Variants in WDFY3 observed in about 807,000 individuals in gnomAD.
WDFY3 encodes WD repeat and FYVE domain containing 3.
In WDFY3, 66 loss-of-function variants were observed where a neutral mutation model predicts 409.6. The ratio of observed to expected loss-of-function variants is 0.16; its 90% CI spans 0.13 to 0.20. The LOEUF (loss-of-function observed/expected upper bound fraction) is 0.20, where lower values mean the gene tolerates loss of function less well. WDFY3 is among the 10% of genes least tolerant of loss of function. WDFY3 has a pLI of 1.00. For missense variants in WDFY3, 3,031 were observed against 4,298.1 expected (o/e 0.71, Z 8.24); for synonymous variants, 1,521 against 1,537.1 (o/e 0.99, Z 0.25).
intron 2 of WDFY3, among the ~76,000 whole-genome samples, chr4:84,925,485 G>C (rs1436651490): frequency 1.3e-5 from 2 of 152,106 alleles, no homozygotes; most frequent in Non-Finnish European, 2.9e-5. Flanking sequence ...GAAAGGAAGA[G>C]AGAAAGAAAA....
At chr4:84,683,308 A>AAGAGGGTGGTAATC (rs2148792434) in intron 63 of WDFY3, among the ~76,000 whole-genome samples, 1 of 152,298 alleles carries the variant, frequency 6.6e-6, no homozygotes, top group Admixed American at 6.5e-5. Context: ...ACTCTGACTA[A>AAGAGGGTGGTAATC]AGAGGGTGGT....
intron 4 of WDFY3, among the ~76,000 whole-genome samples, chr4:84,851,833 C>T (rs1222666698): frequency 6.6e-6 from 1 of 152,092 alleles, no homozygotes; most frequent in East Asian, 1.9e-4. Flanking sequence ...AGTACCAAAG[C>T]CCGTAAACAC....
chr4:84,699,410 A>C (rs1730712651), intron 56 of WDFY3, among the ~76,000 whole-genome samples: 1 of 152,168 alleles, frequency 6.6e-6, no homozygotes, highest in African/African-American at 2.4e-5. Flanking sequence ...TTCATGGATG[A>C]ATAATATTTC....
rs1560748555 is a variant in WDFY3 at position 84,783,023 on chromosome 4, A to C, written c.4114T>G (p.Ser1372Ala). 5.6e-6 allele frequency: 9 copies of C among 1,614,074 alleles called. No individual in the cohort carries two copies. In the Middle Eastern group the frequency reaches 6.6e-4, roughly 118 times the overall value. ...NATPVKLIHN[S>A]AGHLNGSART... ...GCAGATCCATTAAGATGTCCTGCTG[A>C]ATTGTGTATCAACTTCACAGGAGTG... Residue 1372 changes from serine (S) to alanine (A), a missense_variant, in exon 25 of 68, where the codon TCA (serine) becomes GCA (alanine). Coordinates refer to ENST00000295888, the MANE Select transcript of WDFY3 (RefSeq NM_014991.6).
chr4:84,866,793 C>T (rs1325781173), intron 3 of WDFY3, among the ~76,000 whole-genome samples: 1 of 152,200 alleles, frequency 6.6e-6, no homozygotes, highest in African/African-American at 2.4e-5. Flanking sequence ...TGCTTCATTG[C>T]GTGTGCATTT....
intron 21 of WDFY3, among the ~76,000 whole-genome samples, chr4:84,790,156 C>T (rs187649978): frequency 2.6e-5 from 4 of 152,106 alleles, no homozygotes; most frequent in African/African-American, 9.6e-5. Context: ...TCGAGACCAG[C>T]CTGGCCAACA....
chr4:84,783,012 A>G lies in WDFY3; in HGVS notation c.4125T>C (p.His1375=), dbSNP rs1187294875. ...PVKLIHNSAG[H]LNGSARTIGA... ...CAATTGTCCGTGCAGATCCATTAAG[A>G]TGTCCTGCTGAATTGTGTATCAACT... Residue 1375 remains histidine, a synonymous_variant, in exon 25 of 68, where the codon CAT becomes CAC. Transcript: ENST00000295888. The G allele has an allele frequency of 6.2e-7, 1 of 1,614,192 alleles. No individual in the cohort carries two copies. The highest frequency in any genetic ancestry group is 1.7e-5 in the Admixed American group (1 of 60,024).
rs11936770 is a variant in WDFY3 at position 84,950,630 on chromosome 4, A to G, written c.-226+15579T>C. 2.0e-3 allele frequency among the ~76,000 whole-genome samples: 311 copies of G among 152,212 alleles called. 4 individuals carry two copies. Among genetic ancestry groups the G allele is most frequent in the African/African-American group, 7.2e-3 (299 of 41,534 alleles). ...CACGGTGAAACCCCGTCTCTATTAA[A>G]ATACAAAAACTTAGCCTGGCATGGT... On this transcript the variant is annotated intron_variant, in intron 1 of 67. Transcript: ENST00000295888.
At chr4:84,808,983 G>A (rs1752011011) in intron 14 of WDFY3, 1 of 152,152 alleles carries the variant, frequency 6.6e-6, no homozygotes, top group South Asian at 2.1e-4. Context: ...CACAGAAAAG[G>A]ACACAAAACC....
chr4:84,804,566 C>T (rs1751199892), intron 15 of WDFY3, among the ~76,000 whole-genome samples: 1 of 152,190 alleles, frequency 6.6e-6, no homozygotes, highest in South Asian at 2.1e-4. Flanking sequence ...TGTTTTCACT[C>T]CCTGTATTCT....
intron 1 of WDFY3, among the ~76,000 whole-genome samples, chr4:84,957,105 C>T (rs561943401): frequency 6.6e-6 from 1 of 150,968 alleles, no homozygotes; most frequent in African/African-American, 2.4e-5. Flanking sequence ...GATATAAAAC[C>T]AAGGCCCAAC....
At position 84,766,122 on chromosome 4, in the gene WDFY3, T is replaced by C. The variant is rs144269384; in HGVS notation, c.4971-95A>G. The C allele has an allele frequency of 5.6e-4, 844 of 1,495,030 alleles. 3 individuals carry two copies. In the African/African-American group the frequency reaches 0.011, roughly 19 times the overall value. The allele number at this position is 1,495,030 out of a possible 1,614,324, so 92.6% of individuals were successfully genotyped here. A position where few individuals can be genotyped will look rare whatever the true frequency, so the allele number is the denominator to read the frequency against. ...AAAGGAAAAAGAAGACTGAGTTTCA[T>C]TCTGGAGATACTATAAATTTCAGGG... On this transcript the variant is annotated intron_variant, in intron 31 of 67. Coordinates refer to ENST00000295888, the MANE Select transcript of WDFY3 (RefSeq NM_014991.6).
At position 84,818,370 on chromosome 4, in the gene WDFY3, C is replaced by T. The variant is rs138890506; in HGVS notation, c.1694-785G>A. 2.3e-3 allele frequency among the ~76,000 whole-genome samples: 357 copies of T among 152,194 alleles called. 2 individuals carry two copies. Among genetic ancestry groups the T allele is most frequent in the Non-Finnish European group, 3.4e-3 (231 of 68,010 alleles). ...CTCTAAGTAATTCTTCTATCCCTTA[C>T]GTTTTTAGGGCATCTTGTTTATATC... On this transcript the variant is annotated intron_variant, in intron 12 of 67. Coordinates refer to ENST00000295888, the MANE Select transcript of WDFY3 (RefSeq NM_014991.6).
intron 6 of WDFY3, among the ~76,000 whole-genome samples, chr4:84,838,424 T>C (rs1756886667): frequency 6.6e-6 from 1 of 152,218 alleles, no homozygotes; most frequent in Non-Finnish European, 1.5e-5. Flanking sequence ...TTTATTTTCT[T>C]GGCAGTGATG....
At chr4:84,847,732 C>T (rs760151907) in intron 5 of WDFY3, among the ~76,000 whole-genome samples, 29 of 142,712 alleles carry the variant, frequency 2.0e-4, no homozygotes, top group Middle Eastern at 3.4e-3. Context: ...TGAGATCGCG[C>T]CACTGCACTC....
chr4:84,691,562 A>G lies in WDFY3; in HGVS notation c.9204+69T>C, dbSNP rs527335912. On this transcript the variant is annotated intron_variant, in intron 60 of 67. Transcript: ENST00000295888. ...CTTGGACTGGGTTCTCCCCAACCCT[A>G]TTAGTCATATAGGATAGCCAGACCA... is the stretch of plus-strand genomic sequence containing the variant. 13 of 1,533,206 alleles carry G rather than the reference A, an allele frequency of 8.5e-6. No homozygotes were observed. The African/African-American group carries it at 1.6e-4, about 19-fold the overall frequency. 95.0% of individuals were successfully genotyped at this position (1,533,206 alleles called of 1,614,324 possible). A position where few individuals can be genotyped will look rare whatever the true frequency, so the allele number is the denominator to read the frequency against.
chr4:84,792,292 T>G (rs1285760770), intron 21 of WDFY3, among the ~76,000 whole-genome samples: 2 of 152,222 alleles, frequency 1.3e-5, no homozygotes, highest in Admixed American at 6.5e-5. Flanking sequence ...CTGAATAAAC[T>G]AGGCAGAAAG....
chr4:84,704,556 A>G, intron 54 of WDFY3, 112 bp from the exon 55 acceptor site: 1 of 717,490 alleles, frequency 1.4e-6, no homozygotes, highest in Non-Finnish European at 2.2e-6. Flanking sequence ...GTAACACTAA[A>G]TGCAATTAGT....
intron 3 of WDFY3, among the ~76,000 whole-genome samples, chr4:84,862,757 G>A (rs560463313): frequency 1.3e-5 from 2 of 152,126 alleles, no homozygotes; most frequent in Non-Finnish European, 2.9e-5. Context: ...GGAGGCCTAG[G>A]CGGGTGGATC....
Sources: gnomAD v4.1 joint callset for allele counts (sites outside exome capture counted in the v4.1 genomes callset) on GRCh38, gnomAD v4.1.1 for gene constraint, MANE v1.5 for transcripts, NCBI Gene and HGNC (gene_info 2026-07-23, HGNC 2026-07-21) for gene names.